The following ROBO2 variants were observed in gnomAD, a reference collection of about 807,000 sequenced individuals.
ROBO2 encodes the protein roundabout homolog 2.
A neutral mutation model predicts 160.8 loss-of-function variants in ROBO2; 53 were observed. That is an observed-to-expected ratio of 0.33 (90% CI 0.26 to 0.41). The LOEUF (loss-of-function observed/expected upper bound fraction) is 0.41. Ranked by LOEUF, ROBO2 falls within the 10% of genes least tolerant of loss-of-function variation. The pLI, the probability that ROBO2 is intolerant of heterozygous loss-of-function variation, is 1.00. For synonymous variants in ROBO2, 664 were observed against 611.7 expected (o/e 1.09, Z -1.26); for missense variants, 1,577 against 1,722.4 (o/e 0.92, Z 1.49).
chr3:76,685,700 T>G (rs995373973), intron 2 of ROBO2, among the ~76,000 whole-genome samples: 1 of 152,156 alleles, frequency 6.6e-6, no homozygotes, highest in Non-Finnish European at 1.5e-5. Flanking sequence ...AAAGTCACTT[T>G]AGTTTATCTT....
chr3:76,478,731 G>T (rs2079065708), intron 2 of ROBO2, among the ~76,000 whole-genome samples: 1 of 141,660 alleles, frequency 7.1e-6, no homozygotes, highest in African/African-American at 2.7e-5. Flanking sequence ...AGCTCGGCTA[G>T]AGTGCAGTGG....
At chr3:76,927,411 C>T (rs1174352694) in intron 2 of ROBO2, among the ~76,000 whole-genome samples, 1 of 152,152 alleles carries the variant, frequency 6.6e-6, no homozygotes, top group African/African-American at 2.4e-5. Flanking sequence ...CTATAGTTTT[C>T]TTCCAATTTT....
At chr3:76,601,363 G>A (rs1560214769) in intron 2 of ROBO2, among the ~76,000 whole-genome samples, 1 of 152,148 alleles carries the variant, frequency 6.6e-6, no homozygotes, top group Non-Finnish European at 1.5e-5. Context: ...TTTCCCTTCA[G>A]CACTACCCTA....
chr3:77,239,087 T>G (rs2088546078), intron 2 of ROBO2, among the ~76,000 whole-genome samples: 1 of 152,200 alleles, frequency 6.6e-6, no homozygotes, highest in Non-Finnish European at 1.5e-5. Context: ...CCTCTGTGTC[T>G]GGAATTGGTG....
chr3:76,166,822 C>T (rs977480257), intron 2 of ROBO2, among the ~76,000 whole-genome samples: 1 of 152,140 alleles, frequency 6.6e-6, no homozygotes, highest in African/African-American at 2.4e-5. Context: ...AGCTGACTTC[C>T]CTCTATAAAA....
intron 2 of ROBO2, among the ~76,000 whole-genome samples, chr3:76,651,447 T>C (rs2091254673): frequency 6.6e-6 from 1 of 152,168 alleles, no homozygotes; most frequent in Non-Finnish European, 1.5e-5. Context: ...ACTCAGAGTG[T>C]AGCATACATA....
At chr3:77,353,603 T>C (rs7433445) in intron 2 of ROBO2, among the ~76,000 whole-genome samples, 52,052 of 151,862 alleles carry the variant, frequency 0.34, 9,315 homozygotes, top group Non-Finnish European at 0.38. Flanking sequence ...CTCCGCCTCC[T>C]GGGTTCAGGC....
chr3:77,077,043 AATG>A (rs879623603), intron 1 of ROBO2, among the ~76,000 whole-genome samples: 34 of 152,180 alleles, frequency 2.2e-4, no homozygotes, highest in African/African-American at 8.0e-4. Context: ...AAAAAAACAC[AATG>A]ATGACATACA....
At chr3:77,302,133 C>A (rs1469361952) in intron 2 of ROBO2, among the ~76,000 whole-genome samples, 1 of 151,272 alleles carries the variant, frequency 6.6e-6, no homozygotes, top group Admixed American at 6.6e-5. Flanking sequence ...ATAGAAATAG[C>A]ATCTAGCCAT....
intron 2 of ROBO2, among the ~76,000 whole-genome samples, chr3:77,452,639 C>T (rs2081235594): frequency 6.6e-6 from 1 of 152,126 alleles, no homozygotes; most frequent in African/African-American, 2.4e-5. Context: ...TTAAACAGTA[C>T]TCAGTTTACA....
intron 7 of ROBO2, among the ~76,000 whole-genome samples, chr3:77,550,598 C>A (rs1481135038): frequency 5.3e-5 from 8 of 151,988 alleles, no homozygotes. Flanking sequence ...ATTCTTTCAA[C>A]TAGAAAATAT....
At chr3:75,968,930 T>C (rs1261099052) in intron 2 of ROBO2, among the ~76,000 whole-genome samples, 1 of 144,740 alleles carries the variant, frequency 6.9e-6, no homozygotes, top group African/African-American at 2.5e-5. Context: ...TGGCTTGTTT[T>C]AGATAGTACA....
intron 2 of ROBO2, among the ~76,000 whole-genome samples, chr3:76,028,049 C>T (rs1290935696): frequency 6.6e-6 from 1 of 151,630 alleles, no homozygotes; most frequent in Non-Finnish European, 1.5e-5. Flanking sequence ...TTTTTCAAGA[C>T]AAAATAAAAG....
chr3:77,292,724 T>C (rs1413557653), intron 2 of ROBO2, among the ~76,000 whole-genome samples: 3 of 97,112 alleles, frequency 3.1e-5, no homozygotes, highest in East Asian at 3.2e-4. Flanking sequence ...AAAGTAAAAT[T>C]GATGGTTAAA....
chr3:76,531,570 T>G (rs2108059593), intron 2 of ROBO2, among the ~76,000 whole-genome samples: 1 of 151,656 alleles, frequency 6.6e-6, no homozygotes, highest in South Asian at 2.1e-4. Flanking sequence ...ATAGCCTTTC[T>G]GATCTTCTCC....
chr3:76,695,726 A>C (rs2608151), intron 2 of ROBO2, among the ~76,000 whole-genome samples: 50,771 of 151,634 alleles, frequency 0.33, 9,187 homozygotes, highest in East Asian at 0.55. Flanking sequence ...GGGAGGTACC[A>C]CTCGTTCTCC....
chr3:76,762,788 T>C (rs2061378514), intron 2 of ROBO2, among the ~76,000 whole-genome samples: 1 of 151,732 alleles, frequency 6.6e-6, no homozygotes, highest in Non-Finnish European at 1.5e-5. Context: ...AATGGGCAAG[T>C]GTATCGCACT....
intron 2 of ROBO2, among the ~76,000 whole-genome samples, chr3:76,372,240 A>G (rs1475162558): frequency 6.6e-6 from 1 of 151,918 alleles, no homozygotes; most frequent in Non-Finnish European, 1.5e-5. Flanking sequence ...CTTTATGTGC[A>G]GAGTCTAAGA....
At chr3:76,169,216 G>A (rs1366566500) in intron 2 of ROBO2, among the ~76,000 whole-genome samples, 2 of 152,064 alleles carry the variant, frequency 1.3e-5, no homozygotes, top group African/African-American at 4.8e-5. Context: ...AGAAAACTGT[G>A]GCTCACAGTA....
Sources: allele counts gnomAD v4.1 joint callset (sites outside exome capture counted in the v4.1 genomes callset), GRCh38; gene constraint gnomAD v4.1.1; transcripts MANE v1.5; gene names NCBI Gene and HGNC (gene_info 2026-07-23, HGNC 2026-07-21).